Variants in CNTN1 observed in about 807,000 individuals in gnomAD.
CNTN1 encodes the protein contactin-1.
In CNTN1, 38 loss-of-function variants were observed where a neutral mutation model predicts 126.4. The observed-to-expected ratio is 0.30, with a 90% CI of 0.23 to 0.39. The LOEUF is 0.39. Among genes scored for constraint, CNTN1 ranks in the 10% least tolerant of loss-of-function variants. The pLI, the probability that CNTN1 is intolerant of heterozygous loss-of-function variation, is 1.00. For missense variants in CNTN1, 1,009 were observed against 1,248.4 expected, an observed-to-expected ratio of 0.81 and a Z score of 2.89; for synonymous variants, 413 against 422.6, an observed-to-expected ratio of 0.98 and a Z score of 0.28.
At chr12:40,750,368 T>C (rs1221472120) in intron 1 of CNTN1, among the ~76,000 whole-genome samples, 53 of 152,100 alleles carry the variant, frequency 3.5e-4, no homozygotes, top group Admixed American at 3.5e-3. Context: ...GGATTCACTG[T>C]AGGTAAAGTA....
intron 1 of CNTN1, among the ~76,000 whole-genome samples, chr12:40,770,705 A>G (rs772554655): frequency 6.6e-6 from 1 of 152,174 alleles, no homozygotes; most frequent in African/African-American, 2.4e-5. Context: ...TATGCCATTA[A>G]CAAAAATATA....
chr12:40,765,663 T>C (rs1339682700), intron 1 of CNTN1, among the ~76,000 whole-genome samples: 1 of 152,208 alleles, frequency 6.6e-6, no homozygotes, highest in Non-Finnish European at 1.5e-5. Context: ...GAAAAATGAC[T>C]ATTGATTTTG....
chr12:40,943,597 A>T lies in CNTN1; in HGVS notation c.1380A>T (p.Arg460Ser), dbSNP rs1566002051. Residue 460 changes from arginine (R) to serine (S), a missense_variant and splice_region_variant, in exon 13 of 24, where the codon AGA (arginine) becomes AGT (serine). By Grantham distance (110) the Arg-to-Ser change is moderately radical. Coordinates refer to ENST00000551295, the MANE Select transcript of CNTN1 (RefSeq NM_001843.4). The stretch of plus-strand genomic sequence containing the variant: ...ATTATATATATTTTTATTTCACTAG[A>T]ATACTCATTTGGGAAGATGGTAGCT... The part of the protein sequence containing the change: ...KGTEWLVNSS[R>S]ILIWEDGSLE... 3 of 1,560,942 alleles carry T rather than the reference A, an allele frequency of 1.9e-6. No individual in the cohort carries two copies. The Admixed American group carries it at 5.0e-5, about 26-fold the overall frequency.
intron 1 of CNTN1, among the ~76,000 whole-genome samples, chr12:40,786,799 GA>G (rs1940039154): frequency 6.6e-6 from 1 of 152,240 alleles, no homozygotes; most frequent in East Asian, 1.9e-4. Context: ...GAAGATACTA[GA>G]ATGTGGGATC....
intron 17 of CNTN1, among the ~76,000 whole-genome samples, chr12:40,996,804 A>G (rs1201844183): frequency 1.3e-5 from 2 of 152,248 alleles, no homozygotes; most frequent in African/African-American, 2.4e-5. Flanking sequence ...TTGAATATGC[A>G]TCAAATTGGA....
intron 1 of CNTN1, among the ~76,000 whole-genome samples, chr12:40,857,222 A>G (rs1942943754): frequency 6.6e-6 from 1 of 151,866 alleles, no homozygotes; most frequent in Admixed American, 6.6e-5. Flanking sequence ...GTAGACTTAG[A>G]GTCAATTTTA....
chr12:40,737,357 G>GTATATATATATA (rs773215644), intron 1 of CNTN1, among the ~76,000 whole-genome samples: 2,392 of 104,840 alleles, frequency 0.023, 61 homozygotes, highest in Middle Eastern at 0.033. Flanking sequence ...ATATGTGTGT[G>GTATATATATATA]TGTATATATA....
chr12:40,888,020 G>C (rs898639627), intron 1 of CNTN1, among the ~76,000 whole-genome samples: 6 of 118,182 alleles, frequency 5.1e-5, no homozygotes, highest in African/African-American at 1.3e-4. Flanking sequence ...GTTGTGGGGT[G>C]GGGGGAGGGA....
intron 1 of CNTN1, among the ~76,000 whole-genome samples, chr12:40,785,142 CTATT>C (rs997387622): frequency 1.3e-5 from 2 of 152,092 alleles, no homozygotes; most frequent in Non-Finnish European, 2.9e-5. Flanking sequence ...CAGAAAAAAA[CTATT>C]TAGTATTATA....
chr12:40,914,453 T>G (rs1310163295), intron 3 of CNTN1, among the ~76,000 whole-genome samples: 1 of 152,170 alleles, frequency 6.6e-6, no homozygotes, highest in Non-Finnish European at 1.5e-5. Context: ...AATATGTTCC[T>G]AAAATAAAAT....
chr12:40,966,823 C>T (rs974006026), intron 15 of CNTN1, among the ~76,000 whole-genome samples: 1 of 152,024 alleles, frequency 6.6e-6, no homozygotes, highest in Non-Finnish European at 1.5e-5. Context: ...AAATTCAAAA[C>T]TTAAAATATA....
At chr12:41,053,262 AAGACATT>A (rs1301504041) in intron 23 of CNTN1, among the ~76,000 whole-genome samples, 1 of 150,832 alleles carries the variant, frequency 6.6e-6, no homozygotes, top group South Asian at 2.1e-4. Flanking sequence ...TATAAATAAA[AAGACATT>A]CTTTCTTTTT....
chr12:40,948,090 A>G (rs987724608), intron 14 of CNTN1, among the ~76,000 whole-genome samples: 3 of 151,818 alleles, frequency 2.0e-5, no homozygotes, highest in Admixed American at 2.0e-4. Flanking sequence ...ACTGGGTTTG[A>G]AAAACTAGTT....
chr12:40,731,272 G>GT (rs1440637832), intron 1 of CNTN1, among the ~76,000 whole-genome samples: 1 of 151,912 alleles, frequency 6.6e-6, no homozygotes, highest in African/African-American at 2.4e-5. Flanking sequence ...TATTTTGGGT[G>GT]TTTTTTCCCT....
rs1939769865 is a variant in CNTN1, at chr12:40,780,885, T to C, written c.-77+88293T>C. Among the ~76,000 whole-genome samples, 3 of 150,426 alleles carry C rather than the reference T, an allele frequency of 2.0e-5. No individual in the cohort carries two copies. The South Asian group carries it at 6.4e-4, about 32-fold the overall frequency. On this transcript the variant is annotated intron_variant, in intron 1 of 23. Transcript: ENST00000551295. ...CTCATACCAAAGGGTAGAATTTTCA[T>C]TTTTAAAGAATTTTGTGCAAAAATG...
intron 1 of CNTN1, among the ~76,000 whole-genome samples, chr12:40,859,264 A>G (rs1943034725): frequency 6.6e-6 from 1 of 152,154 alleles, no homozygotes; most frequent in Non-Finnish European, 1.5e-5. Flanking sequence ...ATAGTTCCAG[A>G]AGGCGAGAAC....
intron 1 of CNTN1, among the ~76,000 whole-genome samples, chr12:40,713,245 A>G (rs572516152): frequency 6.6e-6 from 1 of 151,724 alleles, no homozygotes; most frequent in African/African-American, 2.4e-5. Flanking sequence ...TGCTTTCTCA[A>G]AAATATAATT....
At chr12:40,827,942 A>G (rs1941671086) in intron 1 of CNTN1, 1 of 152,170 alleles carries the variant, frequency 6.6e-6, no homozygotes, top group Non-Finnish European at 1.5e-5. Context: ...CGCCTCAGAT[A>G]GTTTCTTGCA....
intron 1 of CNTN1, among the ~76,000 whole-genome samples, chr12:40,775,956 G>T (rs1460803471): frequency 6.6e-6 from 1 of 151,532 alleles, no homozygotes; most frequent in African/African-American, 2.4e-5. Flanking sequence ...GATATAGATA[G>T]ATTTTTAATA....
Sources: allele counts gnomAD v4.1 joint callset (sites outside exome capture counted in the v4.1 genomes callset), GRCh38; gene constraint gnomAD v4.1.1; transcripts MANE v1.5; gene names NCBI Gene and HGNC (gene_info 2026-07-23, HGNC 2026-07-21).